The following KIF16B variants were observed in gnomAD, a reference collection of about 807,000 sequenced individuals.
KIF16B encodes kinesin-like protein KIF16B.
Under a neutral mutation model 156.3 loss-of-function variants are expected in KIF16B, and 98 were observed. The observed-to-expected ratio is 0.63, with a 90% CI of 0.53 to 0.74. The LOEUF is 0.74. Among genes scored for constraint, KIF16B ranks in the 30% least tolerant of loss-of-function variants. The pLI, the probability that KIF16B is intolerant of heterozygous loss-of-function variation, is 0.00. For missense variants in KIF16B, 1,421 were observed against 1,606.5 expected, an observed-to-expected ratio of 0.88 and a Z score of 1.97; for synonymous variants, 564 against 583.7, an observed-to-expected ratio of 0.97 and a Z score of 0.49.
Position 16,511,525 on chromosome 20 carries a change from T to C in KIF16B, c.449A>G (p.Tyr150Cys). 4.4e-6 allele frequency: 7 copies of C among 1,580,092 alleles called. No homozygotes were observed. Among genetic ancestry groups the C allele is most frequent in the Non-Finnish European group, 6.1e-6 (7 of 1,154,940 alleles). Reference protein sequence around the residue: ...DEASFRTEVSYLEIYNERVRD... With the variant: ...DEASFRTEVSCLEIYNERVRD... ...CACACGTTCGTTATAAATTTCTAAG[T>C]AGCTAAAAATTTAAAATAAAATTGA... is the stretch of plus-strand genomic sequence containing the variant. The change falls in exon 6 of 26, where the codon TAC becomes TGC. Residue 150 changes from tyrosine to cysteine, a missense_variant and splice_region_variant. Physicochemically the swap from Tyr to Cys is radical, Grantham distance 194. Coordinates refer to ENST00000354981, the MANE Select transcript of KIF16B (RefSeq NM_024704.5).
At chr20:16,345,382 C>G (rs964385320) in intron 23 of KIF16B, among the ~76,000 whole-genome samples, 2 of 152,188 alleles carry the variant, frequency 1.3e-5, no homozygotes, top group African/African-American at 4.8e-5. Context: ...CTCACAGCCT[C>G]TTTTCAATAT....
chr20:16,389,947 A>C (rs1480264157), intron 17 of KIF16B, among the ~76,000 whole-genome samples: 3 of 151,884 alleles, frequency 2.0e-5, no homozygotes, highest in African/African-American at 7.3e-5. Flanking sequence ...TACACTACTC[A>C]CTCCCACTCA....
intron 23 of KIF16B, among the ~76,000 whole-genome samples, chr20:16,342,641 T>C (rs1160624467): frequency 3.9e-5 from 6 of 152,234 alleles, no homozygotes; most frequent in African/African-American, 1.4e-4. Context: ...CACGAGTTCA[T>C]AGTAAGGCAT....
intron 12 of KIF16B, among the ~76,000 whole-genome samples, chr20:16,443,784 T>C (rs946695297): frequency 1.3e-5 from 2 of 152,206 alleles, no homozygotes; most frequent in Non-Finnish European, 2.9e-5. Context: ...ATGGCCCCAA[T>C]AGTTTATTAA....
chr20:16,297,477 G>A (rs1230011143), intron 25 of KIF16B, among the ~76,000 whole-genome samples: 1 of 152,136 alleles, frequency 6.6e-6, no homozygotes, highest in African/African-American at 2.4e-5. Context: ...CACATCACGA[G>A]GTCAGGAGAT....
intron 24 of KIF16B, among the ~76,000 whole-genome samples, chr20:16,315,739 A>T (rs1295260023): frequency 6.6e-6 from 1 of 152,188 alleles, no homozygotes; most frequent in Non-Finnish European, 1.5e-5. Context: ...AGCAACTATC[A>T]TCTTACCCCT....
intron 10 of KIF16B, among the ~76,000 whole-genome samples, chr20:16,501,586 A>G (rs1018447609): frequency 6.6e-6 from 1 of 152,016 alleles, no homozygotes; most frequent in Non-Finnish European, 1.5e-5. Context: ...GAAATAGGAA[A>G]CCCCTCAAAT....
At chr20:16,406,273 C>T in intron 16 of KIF16B, 101 bp downstream of exon 16, 1 of 965,564 alleles carries the variant, frequency 1.0e-6, no homozygotes, top group Non-Finnish European at 1.7e-6. Context: ...TTCCACGGTT[C>T]TGCACCCCAG....
At chr20:16,277,131 T>C (rs1045298968) in intron 25 of KIF16B, among the ~76,000 whole-genome samples, 12 of 152,324 alleles carry the variant, frequency 7.9e-5, no homozygotes, top group South Asian at 6.2e-4. Flanking sequence ...ATATACTCTT[T>C]TGTGTCTGGC....
At chr20:16,543,697 AAGG>A (rs2070291513) in intron 1 of KIF16B, among the ~76,000 whole-genome samples, 1 of 152,180 alleles carries the variant, frequency 6.6e-6, no homozygotes, top group South Asian at 2.1e-4. Flanking sequence ...ACTCCGCAGA[AAGG>A]AGATTTAGGG....
intron 12 of KIF16B, among the ~76,000 whole-genome samples, chr20:16,437,672 T>A (rs2066679129): frequency 6.6e-6 from 1 of 152,184 alleles, no homozygotes. Flanking sequence ...ATCTGATAGA[T>A]GCCAAAAGAT....
chr20:16,470,208 G>A (rs189614083), intron 12 of KIF16B, among the ~76,000 whole-genome samples: 8 of 152,288 alleles, frequency 5.3e-5, no homozygotes, highest in Admixed American at 1.3e-4. Flanking sequence ...CAGTCAGAGC[G>A]CAAGGTGTTT....
intron 12 of KIF16B, among the ~76,000 whole-genome samples, chr20:16,438,569 T>C (rs1245144747): frequency 1.3e-5 from 2 of 152,144 alleles, no homozygotes; most frequent in Non-Finnish European, 2.9e-5. Flanking sequence ...CGGGGGCCTA[T>C]TGTATTCTAT....
At chr20:16,312,451 T>C (rs1190937999) in intron 24 of KIF16B, 33 bp from the exon 25 acceptor site, 1 of 1,380,374 alleles carries the variant, frequency 7.2e-7, no homozygotes, top group Non-Finnish European at 1.0e-6. Context: ...CATGCATTAA[T>C]AGCATACCTG....
chr20:16,481,640 A>G (rs73241903), intron 12 of KIF16B, among the ~76,000 whole-genome samples: 2,992 of 152,248 alleles, frequency 0.02, 102 homozygotes, highest in African/African-American at 0.069. Context: ...CACTCTAATT[A>G]CGAGAACAAA....
intron 22 of KIF16B, among the ~76,000 whole-genome samples, chr20:16,365,361 T>C (rs1388425816): frequency 6.6e-6 from 1 of 152,204 alleles, no homozygotes; most frequent in Non-Finnish European, 1.5e-5. Context: ...TTAGTGACTA[T>C]TTTTAATGAT....
At chr20:16,391,102 A>G (rs1317099341) in intron 17 of KIF16B, among the ~76,000 whole-genome samples, 1 of 152,050 alleles carries the variant, frequency 6.6e-6, no homozygotes, top group East Asian at 1.9e-4. Context: ...TGGGTGGGGG[A>G]AGATCCAGTG....
intron 24 of KIF16B, among the ~76,000 whole-genome samples, chr20:16,327,428 T>C (rs1470885786): frequency 6.6e-6 from 1 of 151,878 alleles, no homozygotes; most frequent in Admixed American, 6.6e-5. Context: ...AACACACCTG[T>C]TTCCCAAACA....
In KIF16B at chr20:16,505,829, T is replaced by A; in HGVS notation, c.893A>T (p.Asn298Ile). 1 of 1,613,970 alleles carries A rather than the reference T, an allele frequency of 6.2e-7. No homozygotes were observed. Among genetic ancestry groups the A allele is most frequent in the Non-Finnish European group, 8.5e-7 (1 of 1,179,922 alleles). ...AACTTGCTTCTTCTTTGCAAGAGTA[T>A]TTGCAGCATCCTGAGATAAATCAGC... is the stretch of plus-strand genomic sequence containing the variant. ...ALADLSQDAA[N>I]TLAKKKQVFV... is the part of the protein sequence containing the mutation. The change falls in exon 9 of 26, where the codon AAT becomes ATT. Residue 298 changes from asparagine (N) to isoleucine (I), a missense_variant. Transcript: ENST00000354981.
Sources: allele counts gnomAD v4.1 joint callset (sites outside exome capture counted in the v4.1 genomes callset), GRCh38; gene constraint gnomAD v4.1.1; transcripts MANE v1.5; gene names NCBI Gene and HGNC (gene_info 2026-07-23, HGNC 2026-07-21).